The following CCDC60 variants were observed in gnomAD, a reference collection of about 807,000 sequenced individuals.
CCDC60 encodes coiled-coil domain containing 60.
In CCDC60, 54 loss-of-function variants were observed where a neutral mutation model predicts 63.5. The ratio of observed to expected loss-of-function variants is 0.85; its 90% CI spans 0.68 to 1.07. The LOEUF (loss-of-function observed/expected upper bound fraction) is 1.07, where lower values mean the gene tolerates loss of function less well. Among genes scored for constraint, CCDC60 ranks in the 50% least tolerant of loss-of-function variants. CCDC60 has a pLI of 0.00. For missense variants in CCDC60, 651 were observed against 684.3 expected (o/e 0.95, Z 0.54); for synonymous variants, 206 against 238.8 (o/e 0.86, Z 1.27).
chr12:119,499,728 T>C (rs900753383), intron 5 of CCDC60, among the ~76,000 whole-genome samples: 2 of 152,090 alleles, frequency 1.3e-5, no homozygotes, highest in African/African-American at 4.8e-5. Context: ...AAAGCAAAGA[T>C]TTAGAAATGA....
At chr12:119,429,018 C>T (rs756296487) in intron 2 of CCDC60, 5 of 384,660 alleles carry the variant, frequency 1.3e-5, no homozygotes, top group Non-Finnish European at 2.4e-5. Context: ...GGACCTGAAT[C>T]CAACTCAAGA....
intron 1 of CCDC60, among the ~76,000 whole-genome samples, chr12:119,359,912 A>G (rs1307507148): frequency 5.3e-5 from 8 of 151,852 alleles, no homozygotes; most frequent in Non-Finnish European, 1.0e-4. Flanking sequence ...GAACAAAATG[A>G]AAAGTCTCCC....
intron 1 of CCDC60, among the ~76,000 whole-genome samples, chr12:119,337,402 G>C (rs186627119): frequency 6.6e-6 from 1 of 152,292 alleles, no homozygotes; most frequent in Admixed American, 6.5e-5. Flanking sequence ...CAGCCCTGTG[G>C]TCTTGGGCAA....
chr12:119,538,229 C>T (rs1172487995), intron 13 of CCDC60, among the ~76,000 whole-genome samples: 2 of 152,192 alleles, frequency 1.3e-5, no homozygotes, highest in Admixed American at 6.5e-5. Flanking sequence ...CCGAGCCAGG[C>T]GCATATAATT....
chr12:119,402,988 A>G (rs972800921), intron 1 of CCDC60, among the ~76,000 whole-genome samples: 1 of 152,204 alleles, frequency 6.6e-6, no homozygotes, highest in African/African-American at 2.4e-5. Context: ...AAATAAACCT[A>G]GCTTTAGGAA....
intron 1 of CCDC60, among the ~76,000 whole-genome samples, chr12:119,368,057 GAAA>G (rs1264886875): frequency 7.6e-6 from 1 of 131,810 alleles, no homozygotes; most frequent in Non-Finnish European, 1.6e-5. Context: ...TTTTTCTGAA[GAAA>G]AAAAGAAGAA....
chr12:119,384,606 G>T (rs76987839), intron 1 of CCDC60, among the ~76,000 whole-genome samples: 8,588 of 152,256 alleles, frequency 0.056, 322 homozygotes, highest in South Asian at 0.095. Flanking sequence ...GCTCCGGGCC[G>T]CTCCCACTGG....
Position 119,540,827 on chromosome 12 carries a change from G to T in CCDC60, c.*112G>T. On this transcript the variant is annotated 3_prime_UTR_variant, in exon 14 of 14. Transcript: ENST00000327554. ...ACTACCCTCATGGATGCTCTTTATG[G>T]ATGACCCTTTACAGTAGGGTCATCT... 1.3e-6 allele frequency: 1 copy of T among 741,282 alleles called. No individual in the cohort carries two copies. Among genetic ancestry groups the T allele is most frequent in the Non-Finnish European group, 2.3e-6 (1 of 442,038 alleles). The allele number at this position is 741,282 out of a possible 1,614,324, so 45.9% of individuals were successfully genotyped here.
chr12:119,447,227 C>T (rs191567864), intron 2 of CCDC60, among the ~76,000 whole-genome samples: 4 of 152,122 alleles, frequency 2.6e-5, no homozygotes, highest in African/African-American at 7.2e-5. Flanking sequence ...CCTCTTTGCA[C>T]GGTGACAGGC....
intron 1 of CCDC60, among the ~76,000 whole-genome samples, chr12:119,350,619 A>G (rs77873503): frequency 0.014 from 2,064 of 152,276 alleles, 33 homozygotes; most frequent in Non-Finnish European, 0.018. Flanking sequence ...AAATGGTTCT[A>G]TTCTCTCTGG....
chr12:119,473,090 T>C (rs1951099571), intron 3 of CCDC60, among the ~76,000 whole-genome samples: 1 of 152,154 alleles, frequency 6.6e-6, no homozygotes, highest in Admixed American at 6.5e-5. Context: ...ATTTTAGAGA[T>C]GGAGAAATGA....
At chr12:119,374,526 G>A (rs1955931583) in intron 1 of CCDC60, among the ~76,000 whole-genome samples, 1 of 152,144 alleles carries the variant, frequency 6.6e-6, no homozygotes, top group Admixed American at 6.6e-5. Flanking sequence ...CTATAGAGGG[G>A]TGGTGGTGTT....
chr12:119,510,823 C>T (rs1485213779), intron 7 of CCDC60, among the ~76,000 whole-genome samples: 1 of 152,158 alleles, frequency 6.6e-6, no homozygotes, highest in Non-Finnish European at 1.5e-5. Context: ...AGTGCCCACT[C>T]CCAGCTGAGT....
chr12:119,382,873 G>C (rs185306388), intron 1 of CCDC60, among the ~76,000 whole-genome samples: 26 of 152,238 alleles, frequency 1.7e-4, no homozygotes, highest in African/African-American at 6.3e-4. Flanking sequence ...CACTCAATGT[G>C]AATACAAAGC....
intron 1 of CCDC60, among the ~76,000 whole-genome samples, chr12:119,427,719 A>T (rs1159202465): frequency 6.6e-6 from 1 of 152,014 alleles, no homozygotes; most frequent in African/African-American, 2.4e-5. Flanking sequence ...ATTTCTAAGT[A>T]TTTTTTTATT....
chr12:119,523,913 CAAG>C (rs1046364539), intron 11 of CCDC60, 95 bp downstream of exon 11: 27 of 1,331,198 alleles, frequency 2.0e-5, no homozygotes, highest in Admixed American at 6.4e-5. Flanking sequence ...ATATCACAAA[CAAG>C]AAGAACTTGT....
intron 1 of CCDC60, among the ~76,000 whole-genome samples, chr12:119,378,488 T>C (rs1375236647): frequency 6.6e-6 from 1 of 152,228 alleles, no homozygotes; most frequent in African/African-American, 2.4e-5. Flanking sequence ...GTATCAGCAC[T>C]AAACCAAGAA....
intron 8 of CCDC60, among the ~76,000 whole-genome samples, chr12:119,517,154 A>AT (rs368465580): frequency 1.5e-4 from 22 of 149,402 alleles, no homozygotes; most frequent in Admixed American, 4.0e-4. Context: ...CATCTGGCTA[A>AT]TTTTTTTTTT....
chr12:119,520,270 C>A, intron 9 of CCDC60, 78 bp downstream of exon 9: 1 of 1,170,444 alleles, frequency 8.5e-7, no homozygotes, highest in Non-Finnish European at 1.2e-6. Flanking sequence ...GGATGCTCCT[C>A]CCCAGACCAT....
Sources: allele counts gnomAD v4.1 joint callset (sites outside exome capture counted in the v4.1 genomes callset), GRCh38; gene constraint gnomAD v4.1.1; transcripts MANE v1.5; gene names NCBI Gene and HGNC (gene_info 2026-07-23, HGNC 2026-07-21).